The following CSMD3 variants were observed in gnomAD, a reference collection of about 807,000 sequenced individuals.
CSMD3 encodes CUB and sushi domain-containing protein 3.
A neutral mutation model predicts 435.2 loss-of-function variants in CSMD3; 177 were observed. The ratio of observed to expected loss-of-function variants is 0.41; its 90% CI spans 0.36 to 0.46. The LOEUF is 0.46. Ranked by LOEUF, CSMD3 falls within the 20% of genes least tolerant of loss-of-function variation. CSMD3 has a pLI of 0.34. For synonymous variants in CSMD3, 1,656 were observed against 1,520.5 expected, an observed-to-expected ratio of 1.09 and a Z score of -2.07; for missense variants, 4,265 against 4,504.6, an observed-to-expected ratio of 0.95 and a Z score of 1.52.
chr8:113,024,732 T>C lies in CSMD3; in HGVS notation c.918-5553A>G, dbSNP rs565344121. Among the ~76,000 whole-genome samples, 5 of 152,276 alleles carry C rather than the reference T, an allele frequency of 3.3e-5. No individual in the cohort carries two copies. In the East Asian group the frequency reaches 7.7e-4, roughly 23 times the overall value. On this transcript the variant is annotated intron_variant, in intron 5 of 70. Coordinates refer to ENST00000297405, the MANE Select transcript of CSMD3 (RefSeq NM_198123.2). ...GTTGAACATTTTTTTCACACACCTG[T>C]TGGCCACTTTTCTTCTTTTGAAGGT...
chr8:113,178,786 AG>A (rs2131916606), intron 3 of CSMD3, among the ~76,000 whole-genome samples: 1 of 152,068 alleles, frequency 6.6e-6, no homozygotes, highest in South Asian at 2.1e-4. Context: ...CAATGAAGAC[AG>A]GTTTCATGGA....
chr8:112,533,775 C>T (rs1439836877), intron 27 of CSMD3, among the ~76,000 whole-genome samples: 1 of 151,992 alleles, frequency 6.6e-6, no homozygotes, highest in African/African-American at 2.4e-5. Flanking sequence ...AATGGACCTA[C>T]TTGACATTTA....
chr8:112,639,628 A>G (rs2074763402), intron 20 of CSMD3, among the ~76,000 whole-genome samples: 1 of 152,042 alleles, frequency 6.6e-6, no homozygotes, highest in African/African-American at 2.4e-5. Flanking sequence ...AATAGCACAA[A>G]CTAATGTTGC....
chr8:113,315,998 C>T (rs1380807201), intron 1 of CSMD3, among the ~76,000 whole-genome samples: 1 of 152,044 alleles, frequency 6.6e-6, no homozygotes, highest in Non-Finnish European at 1.5e-5. Flanking sequence ...AGATTACAGG[C>T]GTGAGCCACC....
chr8:112,258,710 A>T (rs963480234), intron 61 of CSMD3, among the ~76,000 whole-genome samples: 7 of 152,194 alleles, frequency 4.6e-5, no homozygotes, highest in Admixed American at 1.3e-4. Context: ...ACTGTGGAAG[A>T]CAGTGTGGCG....
chr8:113,300,553 T>C (rs1012889086), intron 2 of CSMD3, among the ~76,000 whole-genome samples: 4 of 152,164 alleles, frequency 2.6e-5, no homozygotes, highest in African/African-American at 9.7e-5. Context: ...TGGATACAGT[T>C]GGAGGCCATT....
At chr8:112,549,685 C>T (rs768617712) in intron 27 of CSMD3, among the ~76,000 whole-genome samples, 2 of 151,916 alleles carry the variant, frequency 1.3e-5, no homozygotes, top group African/African-American at 2.4e-5. Context: ...TCATTAGGTA[C>T]CAGTTATCTA....
At chr8:112,418,190 A>G (rs7824396) in intron 32 of CSMD3, among the ~76,000 whole-genome samples, 41,592 of 152,000 alleles carry the variant, frequency 0.27, 6,398 homozygotes, top group African/African-American at 0.41. Context: ...ATAAAAAATT[A>G]CTGTTGGTAA....
chr8:112,243,952 T>C (rs1233221044), intron 65 of CSMD3, among the ~76,000 whole-genome samples: 1 of 151,976 alleles, frequency 6.6e-6, no homozygotes, highest in African/African-American at 2.4e-5. Flanking sequence ...ATACCCAGGG[T>C]TGTCAGAAGC....
At chr8:112,242,751 G>C (rs1814288323) in intron 65 of CSMD3, among the ~76,000 whole-genome samples, 2 of 152,130 alleles carry the variant, frequency 1.3e-5, no homozygotes, top group South Asian at 4.1e-4. Flanking sequence ...AAATGCCACT[G>C]AAGAATTTCA....
rs1436813178 is a variant in CSMD3, at chr8:113,392,532, G to A, written c.178+44145C>T. 3.3e-5 allele frequency among the ~76,000 whole-genome samples: 5 copies of A among 152,148 alleles called. 1 individual carries two copies. The South Asian group carries it at 8.3e-4, about 25-fold the overall frequency. ...CTTCACTTTATAGATGGGGAAATGAGCAAAGAAAGCCTAAATAACTTAACC... is the reference window on the plus strand; with the variant it reads ...CTTCACTTTATAGATGGGGAAATGAACAAAGAAAGCCTAAATAACTTAACC... On this transcript the variant is annotated intron_variant, in intron 1 of 70. Coordinates refer to ENST00000297405, the MANE Select transcript of CSMD3 (RefSeq NM_198123.2).
At chr8:112,397,426 A>G (rs1381178657) in intron 35 of CSMD3, among the ~76,000 whole-genome samples, 1 of 152,210 alleles carries the variant, frequency 6.6e-6, no homozygotes, top group East Asian at 1.9e-4. Context: ...AATACAAGTC[A>G]TATGACACAA....
chr8:112,256,869 A>G (rs775499168), intron 61 of CSMD3, among the ~76,000 whole-genome samples: 3 of 152,152 alleles, frequency 2.0e-5, no homozygotes, highest in Non-Finnish European at 4.4e-5. Context: ...CCAAACTGAG[A>G]AACTTTTGAG....
chr8:113,158,878 C>A (rs769082497), intron 4 of CSMD3, among the ~76,000 whole-genome samples: 7 of 151,884 alleles, frequency 4.6e-5, no homozygotes, highest in Non-Finnish European at 7.4e-5. Flanking sequence ...TCTTTTGCAA[C>A]ATTTAGGGGG....
chr8:113,227,688 C>T (rs1436300903), intron 3 of CSMD3, among the ~76,000 whole-genome samples: 1 of 151,614 alleles, frequency 6.6e-6, no homozygotes, highest in Admixed American at 6.6e-5. Flanking sequence ...CTCCTGCCAC[C>T]TTGTGAAGAA....
At chr8:113,379,288 AT>A (rs1291654516) in intron 1 of CSMD3, among the ~76,000 whole-genome samples, 1 of 152,130 alleles carries the variant, frequency 6.6e-6, no homozygotes, top group African/African-American at 2.4e-5. Context: ...TTTTCTGAGA[AT>A]TAAAAAAAAC....
intron 3 of CSMD3, among the ~76,000 whole-genome samples, chr8:113,175,833 T>C (rs189998433): frequency 6.6e-4 from 101 of 152,134 alleles, no homozygotes; most frequent in African/African-American, 2.4e-3. Flanking sequence ...TAAAAAATAA[T>C]TAAGGTCAGG....
chr8:112,258,770 T>C (rs938176229), intron 61 of CSMD3, among the ~76,000 whole-genome samples: 2 of 152,200 alleles, frequency 1.3e-5, no homozygotes, highest in African/African-American at 4.8e-5. Context: ...CCTGGCACAG[T>C]GGCTCACGCC....
In CSMD3 at chr8:112,832,377, A is replaced by G. The variant is rs573574969; in HGVS notation, c.1756-2588T>C. Among the ~76,000 whole-genome samples, 4 of 152,330 alleles carry G rather than the reference A, an allele frequency of 2.6e-5. No individual in the cohort carries two copies. The East Asian group carries it at 5.8e-4, about 22-fold the overall frequency. ...GAAGGAATATTAAAGATGTGTAATT[A>G]AGATCTCTAATCAGTTGACTTTAAG... On this transcript the variant is annotated intron_variant, in intron 11 of 70. Coordinates refer to ENST00000297405, the MANE Select transcript of CSMD3 (RefSeq NM_198123.2).
Sources: allele counts gnomAD v4.1 joint callset (sites outside exome capture counted in the v4.1 genomes callset), GRCh38; gene constraint gnomAD v4.1.1; transcripts MANE v1.5; gene names NCBI Gene and HGNC (gene_info 2026-07-23, HGNC 2026-07-21).